The following SEMA3G variants were observed in gnomAD, a reference collection of about 807,000 sequenced individuals.
SEMA3G encodes the protein semaphorin-3G.
In SEMA3G, 70 loss-of-function variants were observed where a neutral mutation model predicts 86.2. The observed-to-expected ratio is 0.81, with a 90% CI of 0.67 to 0.99. The LOEUF (loss-of-function observed/expected upper bound fraction) is 0.99. Among genes scored for constraint, SEMA3G ranks in the 50% least tolerant of loss-of-function variants. SEMA3G has a pLI of 0.00. For missense variants in SEMA3G, 1,002 were observed against 1,072.4 expected, an observed-to-expected ratio of 0.93 and a Z score of 0.92; for synonymous variants, 416 against 441.4, an observed-to-expected ratio of 0.94 and a Z score of 0.72.
chr3:52,438,811 TC>T, intron 13 of SEMA3G, 108 bp downstream of exon 13: 1 of 1,538,754 alleles, frequency 6.5e-7, no homozygotes, highest in Non-Finnish European at 8.8e-7. Context: ...AGCACAGCTT[TC>T]CCCAGACTAC....
At position 52,442,126 on chromosome 3, in the gene SEMA3G, G is replaced by A. The variant is rs1264106745; in HGVS notation, c.459+59C>T. On this transcript the variant is annotated intron_variant, in intron 4 of 15. Transcript: ENST00000231721. The surrounding 1 kb of genome is among the most constrained non-coding windows in gnomAD (Gnocchi z 6.1). ...ACCCAGGCTCAATGGGAATGTTCAG[G>A]CAGCAGGGAGGAAATGTCACTGCCT... 1 of 1,563,720 alleles carries A rather than the reference G, an allele frequency of 6.4e-7. No homozygotes were observed. Among genetic ancestry groups the A allele is most frequent in the African/African-American group, 1.4e-5 (1 of 73,860 alleles).
At position 52,442,633 on chromosome 3, in the gene SEMA3G, C is replaced by G; in HGVS notation, c.277-12G>C. On this transcript the variant is annotated splice_polypyrimidine_tract_variant and intron_variant, in intron 2 of 15. Transcript: ENST00000231721. The surrounding 1 kb of genome is among the most constrained non-coding windows in gnomAD (Gnocchi z 6.1). ...GGTGGCCACAGGACCTGGAACACAG[C>G]CCCGCTGACCTCAGGTCCTCCCCTG... The G allele has an allele frequency of 6.2e-7, 1 of 1,614,088 alleles. No individual in the cohort carries two copies. The highest frequency in any genetic ancestry group is 8.5e-7 in the Non-Finnish European group (1 of 1,179,994).
rs756714294 is a variant in SEMA3G, at chr3:52,441,829, G to T, written c.540C>A (p.Ser180Arg). 6 of 1,606,798 alleles carry T rather than the reference G, an allele frequency of 3.7e-6. No homozygotes were observed. The highest frequency in any genetic ancestry group is 8.5e-7 in the Non-Finnish European group (1 of 1,176,794). The part of the protein sequence containing the change: ...CPHEPSRPFA[S>R]TFIDGELYTG... ...CTGGGCATCACCCACCTATGAAGGT[G>T]CTGGCAAAGGGACGGCTGGGCTCGT... The change falls in exon 5 of 16, where the codon AGC (serine) becomes AGA (arginine). Residue 180 changes from serine to arginine, a missense_variant. Coordinates refer to ENST00000231721, the MANE Select transcript of SEMA3G (RefSeq NM_020163.3).
At position 52,442,767 on chromosome 3, in the gene SEMA3G, C is replaced by A. The variant is rs757151742; in HGVS notation, c.256G>T (p.Ala86Ser). ...CTCACCTCCCGGGGATCTGGCCATGCCTGGTCCAGCCGCAGAGAGTAGAGG... is the reference window on the plus strand; with the variant it reads ...CTCACCTCCCGGGGATCTGGCCATGACTGGTCCAGCCGCAGAGAGTAGAGG... ...DALYSLRLDQ[A>S]WPDPREVLWP... The change falls in exon 2 of 16, where the codon GCA (alanine) becomes TCA (serine). Residue 86 changes from alanine (A) to serine (S), a missense_variant. Transcript: ENST00000231721. The surrounding 1 kb of genome is among the most constrained non-coding windows in gnomAD (Gnocchi z 6.1). The A allele has an allele frequency of 2.4e-5, 39 of 1,613,814 alleles. No homozygotes were observed. The Middle Eastern group carries it at 4.9e-4, about 20-fold the overall frequency.
chr3:52,441,926 AGG>A lies in SEMA3G; in HGVS notation c.460-19_460-18del. 1 of 1,530,510 alleles carries A rather than the reference AGG, an allele frequency of 6.5e-7. No homozygotes were observed. The highest frequency in any genetic ancestry group is 8.9e-7 in the Non-Finnish European group (1 of 1,127,158). 94.8% of individuals were successfully genotyped at this position (1,530,510 alleles called of 1,614,324 possible). On this transcript the variant is annotated intron_variant, in intron 4 of 15. Transcript: ENST00000231721. ...GAGCACATGCTAGTGGGAGGGAGAG[AGG>A]GAGGGAGGGGCGTCACCTGGGAGAG...
intron 15 of SEMA3G, 59 bp downstream of exon 15, chr3:52,437,468 C>G (rs1168218448): frequency 6.5e-7 from 1 of 1,531,100 alleles, no homozygotes; most frequent in Non-Finnish European, 8.9e-7. Context: ...TCTTGGGGTT[C>G]AGGATGGGAG....
rs146430672 is a variant in SEMA3G, at chr3:52,441,717, C to T, written c.551-27G>A. Reference sequence around the variant, plus strand: ...TGGGGTGGGGGTTGGGGAACAGAGTCAGGGGAGGAGGCCCAGGCCCAGCAG... The same window carrying T: ...TGGGGTGGGGGTTGGGGAACAGAGTTAGGGGAGGAGGCCCAGGCCCAGCAG... On this transcript the variant is annotated intron_variant, in intron 5 of 15. Coordinates refer to ENST00000231721, the MANE Select transcript of SEMA3G (RefSeq NM_020163.3). 1,313 of 1,604,536 alleles carry T rather than the reference C, an allele frequency of 8.2e-4. 5 individuals are homozygous for T. Among genetic ancestry groups the T allele is most frequent in the African/African-American group, 7.0e-3 (522 of 74,874 alleles).
At chr3:52,443,386 T>C (rs1706198858) in intron 1 of SEMA3G, among the ~76,000 whole-genome samples, 1 of 151,990 alleles carries the variant, frequency 6.6e-6, no homozygotes, top group Admixed American at 6.5e-5. Flanking sequence ...AGGGAAGGTA[T>C]GGCCGGGAAG....
chr3:52,441,990 C>A (rs894353241), intron 4 of SEMA3G, 81 bp from the exon 5 acceptor site: 8 of 1,346,744 alleles, frequency 5.9e-6, no homozygotes, highest in South Asian at 2.6e-5. Context: ...GGAGCCCTCG[C>A]GTGCGGCCAG....
chr3:52,437,607 A>G lies in SEMA3G; in HGVS notation c.1798T>C (p.Phe600Leu). 1 of 1,613,136 alleles carries G rather than the reference A, an allele frequency of 6.2e-7. No homozygotes were observed. Among genetic ancestry groups the G allele is most frequent in the Non-Finnish European group, 8.5e-7 (1 of 1,179,936 alleles). ...MVYGTEHNST[F>L]LECLPKSPQA... ...GGAGACTTGGGCAGGCACTCCAGGAAGGTGCTATTGTGCTCCGTGCCGTAG... is the reference window on the plus strand; with the variant it reads ...GGAGACTTGGGCAGGCACTCCAGGAGGGTGCTATTGTGCTCCGTGCCGTAG... The change falls in exon 15 of 16, where the codon TTC becomes CTC. Residue 600 changes from phenylalanine (F) to leucine (L), a missense_variant. By Grantham distance (22) the Phe-to-Leu change is conservative. Coordinates refer to ENST00000231721, the MANE Select transcript of SEMA3G (RefSeq NM_020163.3).
rs1419670419 is a variant in SEMA3G, at chr3:52,439,951, G to A, written c.1291C>T (p.His431Tyr). 3.1e-6 allele frequency: 5 copies of A among 1,613,732 alleles called. No individual in the cohort carries two copies. Among genetic ancestry groups the A allele is most frequent in the African/African-American group, 2.7e-5 (2 of 74,946 alleles). Residue 431 changes from histidine (H) to tyrosine (Y), a missense_variant, in exon 11 of 16, where the codon CAC (histidine) becomes TAC (tyrosine). Coordinates refer to ENST00000231721, the MANE Select transcript of SEMA3G (RefSeq NM_020163.3). The part of the protein sequence containing the change: ...RHGRPVLVKT[H>Y]LAQQLHQIVV... ...ATCTGGTGTAGCTGCTGGGCCAGGT[G>A]GGTCTTGACAAGGACAGGGCGGCCA...
chr3:52,440,567 C>A, intron 9 of SEMA3G, 46 bp from the exon 10 acceptor site: 1 of 1,580,798 alleles, frequency 6.3e-7, no homozygotes, highest in Non-Finnish European at 8.6e-7. Context: ...CCATCAAGGA[C>A]AAGAAGGGAA....
chr3:52,438,844 G>A (rs1216625529), intron 13 of SEMA3G, 76 bp downstream of exon 13: 16 of 1,589,782 alleles, frequency 1.0e-5, no homozygotes, highest in Middle Eastern at 1.7e-4. Flanking sequence ...AGGAGGCTGC[G>A]GAGCAGGGGC....
intron 1 of SEMA3G, among the ~76,000 whole-genome samples, 197 bp downstream of exon 1, chr3:52,444,716 C>A (rs1320848409): frequency 1.8e-4 from 2 of 10,830 alleles, no homozygotes; most frequent in Non-Finnish European, 3.2e-4. Context: ...TCGGCACACG[C>A]ACACAAACAC....
At chr3:52,439,618 G>A (rs1250374790) in intron 12 of SEMA3G, 62 bp downstream of exon 12, 51 of 1,414,992 alleles carry the variant, frequency 3.6e-5, no homozygotes, top group Non-Finnish European at 4.9e-5. Flanking sequence ...CTGCATCCCT[G>A]TAGCCAGGCT....
At position 52,438,950 on chromosome 3, in the gene SEMA3G, A is replaced by G; in HGVS notation, c.1479T>C (p.Pro493=). The change falls in exon 13 of 16, where the codon CCT becomes CCC. Residue 493 remains proline (P), a synonymous_variant. Coordinates refer to ENST00000231721, the MANE Select transcript of SEMA3G (RefSeq NM_020163.3). The part of the protein sequence containing the change: ...EELQVFKVPT[P]ITEMEISVKR... Reference sequence around the variant, plus strand: ...TGACAGAGATCTCCATTTCGGTGATAGGTGTTGGCACCTGGGGAAGGAGAA... The same window carrying G: ...TGACAGAGATCTCCATTTCGGTGATGGGTGTTGGCACCTGGGGAAGGAGAA... 1 of 1,613,504 alleles carries G rather than the reference A, an allele frequency of 6.2e-7. No individual in the cohort carries two copies. Among genetic ancestry groups the G allele is most frequent in the Non-Finnish European group, 8.5e-7 (1 of 1,179,666 alleles).
chr3:52,436,906 T>C (rs989732668), intron 15 of SEMA3G, among the ~76,000 whole-genome samples: 1 of 152,120 alleles, frequency 6.6e-6, no homozygotes, highest in African/African-American at 2.4e-5. Context: ...CTGTAATCAA[T>C]CCACTCCTGC....
Position 52,439,776 on chromosome 3 carries a change from G to A in SEMA3G, c.1376-5C>T, listed in dbSNP as rs377384706. Reference sequence around the variant, plus strand: ...CTTTGAGCACAGACCCTGAGTCTGGGGCCAGGGAGGAGGGGTCAGCGGGAC... The same window carrying A: ...CTTTGAGCACAGACCCTGAGTCTGGAGCCAGGGAGGAGGGGTCAGCGGGAC... On this transcript the variant is annotated splice_region_variant and splice_polypyrimidine_tract_variant and intron_variant, in intron 11 of 15. Coordinates refer to ENST00000231721, the MANE Select transcript of SEMA3G (RefSeq NM_020163.3). The A allele has an allele frequency of 1.6e-5, 26 of 1,613,646 alleles. No homozygotes were observed. The African/African-American group carries it at 3.2e-4, about 20-fold the overall frequency.
chr3:52,440,213 C>G (rs1220372096), intron 10 of SEMA3G, 115 bp from the exon 11 acceptor site: 1 of 1,204,010 alleles, frequency 8.3e-7, no homozygotes, highest in Non-Finnish European at 1.1e-6. Context: ...GAGGGCTCTC[C>G]TCTTCCACTA....
Sources: allele counts gnomAD v4.1 joint callset (sites outside exome capture counted in the v4.1 genomes callset), GRCh38; gene constraint gnomAD v4.1.1; non-coding constraint Gnocchi (gnomAD v3.1); transcripts MANE v1.5; gene names NCBI Gene and HGNC (gene_info 2026-07-23, HGNC 2026-07-21).